TMIGD3: variants seen among roughly 807,000 people sequenced by gnomAD.
TMIGD3 encodes AD026 protein (AD026).
TMIGD3 carries 21 observed loss-of-function variants against 28.1 expected under a neutral mutation model. The observed-to-expected ratio is 0.75, with a 90% CI of 0.53 to 1.08. TMIGD3 has a LOEUF of 1.08. Ranked by LOEUF, TMIGD3 falls within the 50% of genes least tolerant of loss-of-function variation. The pLI is 0.00. For missense variants in TMIGD3, 416 were observed against 435.6 expected, an observed-to-expected ratio of 0.96 and a Z score of 0.40; for synonymous variants, 151 against 162.1, an observed-to-expected ratio of 0.93 and a Z score of 0.52.
At chr1:111,532,042 ATTAATTATGAGGTTTT>A in intron 1 of TMIGD3, among the ~76,000 whole-genome samples, 1 of 152,062 alleles carries the variant, frequency 6.6e-6, no homozygotes, top group Admixed American at 6.6e-5. Flanking sequence ...CCAAAACCCT[ATTAATTATGAGGTTTT>A]CACTCTGGCT....
intron 1 of TMIGD3, among the ~76,000 whole-genome samples, chr1:111,502,192 TATTATAATAAATATATA>T (rs1655241303): frequency 4.5e-5 from 1 of 22,112 alleles, no homozygotes; most frequent in Non-Finnish European, 1.0e-4. Context: ...AGGATATATA[TATTATAATAAATATATA>T]GGATATATAT....
chr1:111,563,513 T>C (rs1434441177), intron 1 of TMIGD3, among the ~76,000 whole-genome samples: 1 of 152,084 alleles, frequency 6.6e-6, no homozygotes, highest in Admixed American at 6.5e-5. Flanking sequence ...TATAACAAAA[T>C]AAAAGTTTAC....
At position 111,503,002 on chromosome 1, in the gene TMIGD3, T is replaced by G. The variant is rs1291788220; in HGVS notation, c.350+3A>C. On this transcript the variant is annotated splice_donor_region_variant and intron_variant, in intron 1 of 5. Coordinates refer to ENST00000369716, the MANE Select transcript of TMIGD3 (RefSeq NM_020683.7). ...TTGCTGCCCACCCCACGCCGCAGGC[T>G]ACCTGACGGTAAGCTTGACCCGCAA... 1.9e-6 allele frequency: 3 copies of G among 1,613,042 alleles called. No homozygotes were observed. Among genetic ancestry groups the G allele is most frequent in the Non-Finnish European group, 2.5e-6 (3 of 1,179,150 alleles).
At position 111,513,158 on chromosome 1, in the gene TMIGD3, G is replaced by A. The variant is rs182070915; in HGVS notation, c.108-22396C>T. On this transcript the variant is annotated intron_variant, in intron 1 of 5. Transcript: ENST00000369717. ...TGCAGGTGAAGCCCTCTAAGGGCCA[G>A]ATATCAAGAACTAGAGTATTCAGAG... 4.7e-4 allele frequency among the ~76,000 whole-genome samples: 72 copies of A among 152,316 alleles called. 1 individual carries two copies. In the East Asian group the frequency reaches 0.01, roughly 22 times the overall value.
intron 1 of TMIGD3, among the ~76,000 whole-genome samples, chr1:111,533,476 T>C (rs958195451): frequency 6.6e-6 from 1 of 152,236 alleles, no homozygotes; most frequent in Admixed American, 6.5e-5. Context: ...TTTCCACATA[T>C]CTTAGCTAAC....
intron 1 of TMIGD3, among the ~76,000 whole-genome samples, chr1:111,540,861 G>T (rs1371078285): frequency 6.6e-6 from 1 of 152,212 alleles, no homozygotes; most frequent in Admixed American, 6.5e-5. Context: ...CTAATGCCCT[G>T]TTTCCAATGG....
chr1:111,548,452 T>C (rs1172514085), intron 1 of TMIGD3, among the ~76,000 whole-genome samples: 1 of 152,232 alleles, frequency 6.6e-6, no homozygotes, highest in Non-Finnish European at 1.5e-5. Context: ...ACTCTGCTTG[T>C]TTAAAATTTC....
At chr1:111,556,838 T>C (rs1657509389) in intron 1 of TMIGD3, among the ~76,000 whole-genome samples, 2 of 152,120 alleles carry the variant, frequency 1.3e-5, no homozygotes, top group South Asian at 4.1e-4. Context: ...TGCACAACAA[T>C]GTGAATGTCC....
chr1:111,563,938 T>C (rs761039942), exon 1 of TMIGD3: 5 of 1,613,592 alleles, frequency 3.1e-6, no homozygotes, highest in Non-Finnish European at 4.2e-6. Flanking sequence ...TGGGTCCTGC[T>C]GGAGACCCTT....
intron 1 of TMIGD3, among the ~76,000 whole-genome samples, chr1:111,526,663 C>A (rs1656273293): frequency 6.6e-6 from 1 of 152,172 alleles, no homozygotes; most frequent in African/African-American, 2.4e-5. Flanking sequence ...AATGAAAGAA[C>A]CTGCATTAAC....
At chr1:111,511,744 A>T (rs10857888) in intron 1 of TMIGD3, among the ~76,000 whole-genome samples, 2 of 151,752 alleles carry the variant, frequency 1.3e-5, no homozygotes, top group African/African-American at 4.9e-5. Flanking sequence ...CTATGCCACA[A>T]CTTTCGCAGT....
intron 1 of TMIGD3, among the ~76,000 whole-genome samples, chr1:111,532,440 T>A (rs1656488768): frequency 6.6e-6 from 1 of 152,164 alleles, no homozygotes; most frequent in Non-Finnish European, 1.5e-5. Context: ...GTATTCCAAG[T>A]GAATGGCTGT....
chr1:111,488,617 T>A, intron 3 of TMIGD3, 60 bp downstream of exon 3: 1 of 1,487,174 alleles, frequency 6.7e-7, no homozygotes, highest in South Asian at 1.2e-5. Flanking sequence ...AGTGCTCTCT[T>A]AGCAGCAAAC....
chr1:111,488,805 G>A lies in TMIGD3; in HGVS notation c.677C>T (p.Thr226Ile). ...NQLIVTMSCL[T>I]KEDTGWYWCG... ...CCAGTACCAGCCCGTGTCCTCTTTG[G>A]TCAGGCAGGACATAGTGACAATGAG... The change falls in exon 3 of 6, where the codon ACC becomes ATC. Residue 226 changes from threonine to isoleucine, a missense_variant. Physicochemically the swap from Thr to Ile is moderately conservative, Grantham distance 89. Coordinates refer to ENST00000369716, the MANE Select transcript of TMIGD3 (RefSeq NM_020683.7). 6.2e-7 allele frequency: 1 copy of A among 1,614,210 alleles called. No individual in the cohort carries two copies. The highest frequency in any genetic ancestry group is 8.5e-7 in the Non-Finnish European group (1 of 1,180,044).
intron 1 of TMIGD3, among the ~76,000 whole-genome samples, chr1:111,526,111 T>C (rs1232487675): frequency 6.6e-6 from 1 of 152,154 alleles, no homozygotes; most frequent in Non-Finnish European, 1.5e-5. Context: ...ATATACTTTA[T>C]TTTTTAGAGG....
At chr1:111,512,412 A>G (rs1215774794) in intron 1 of TMIGD3, among the ~76,000 whole-genome samples, 6 of 152,252 alleles carry the variant, frequency 3.9e-5, no homozygotes, top group Non-Finnish European at 7.3e-5. Flanking sequence ...GGCTCCAGCC[A>G]TGTGTTTCTG....
At chr1:111,561,595 A>G (rs933380735) in intron 1 of TMIGD3, among the ~76,000 whole-genome samples, 1 of 152,188 alleles carries the variant, frequency 6.6e-6, no homozygotes, top group Non-Finnish European at 1.5e-5. Flanking sequence ...GTCAGGTCAA[A>G]CACAGAGCAG....
At chr1:111,555,938 T>C (rs1657471241) in intron 1 of TMIGD3, among the ~76,000 whole-genome samples, 1 of 152,070 alleles carries the variant, frequency 6.6e-6, no homozygotes, top group Admixed American at 6.5e-5. Flanking sequence ...ATTTAAAACA[T>C]TTGTGCATCA....
intron 1 of TMIGD3, among the ~76,000 whole-genome samples, chr1:111,525,632 G>A (rs557316595): frequency 1.3e-5 from 2 of 152,306 alleles, no homozygotes; most frequent in Non-Finnish European, 2.9e-5. Flanking sequence ...GGAGGCCGAG[G>A]CAGATGGATC....
Sources: allele counts gnomAD v4.1 joint callset (sites outside exome capture counted in the v4.1 genomes callset), GRCh38; gene constraint gnomAD v4.1.1; transcripts MANE v1.5; gene names NCBI Gene and HGNC (gene_info 2026-07-23, HGNC 2026-07-21).